BMP10: variants seen among roughly 807,000 people sequenced by gnomAD.
BMP10 encodes bone morphogenetic protein 10.
Under a neutral mutation model 29.9 loss-of-function variants are expected in BMP10, and 9 were observed. The ratio of observed to expected loss-of-function variants is 0.30; its 90% CI spans 0.18 to 0.53. BMP10 has a LOEUF of 0.53. Ranked by LOEUF, BMP10 falls within the 20% of genes least tolerant of loss-of-function variation. The pLI is 0.96. For missense variants in BMP10, 474 were observed against 524.3 expected, an observed-to-expected ratio of 0.90 and a Z score of 0.94; for synonymous variants, 202 against 200.2, an observed-to-expected ratio of 1.01 and a Z score of -0.07.
At position 68,871,138 on chromosome 2, in the gene BMP10, T is replaced by C. The variant is rs759552301; in HGVS notation, c.221A>G (p.Gln74Arg). The change falls in exon 1 of 2, where the codon CAG becomes CGG. Residue 74 changes from glutamine (Q) to arginine (R), a missense_variant. Gln to Arg is a conservative substitution (Grantham distance 43). Coordinates refer to ENST00000295379, the MANE Select transcript of BMP10 (RefSeq NM_014482.3). ...TGGTGGGTCCACCTTGGCTGAATCC[T>C]GCGTGGGGATGTCAGAGAGGTTTAG... ...KTLNLSDIPTQDSAKVDPPEY... is the reference protein window; with the variant it reads ...KTLNLSDIPTRDSAKVDPPEY... 1.8e-5 allele frequency: 29 copies of C among 1,614,076 alleles called. No homozygotes were observed. The highest frequency in any genetic ancestry group is 8.9e-5 in the East Asian group (4 of 44,894).
Position 68,863,400 on chromosome 2 carries a change from G to C in BMP10, c.*2231C>G, listed in dbSNP as rs959918686. On this transcript the variant is annotated 3_prime_UTR_variant, in exon 2 of 2. Transcript: ENST00000295379. ...TATCCTGGTCAGCTGAGGTTTTACT[G>C]TGTATGTATTACAGTGTCCTTTAGA... is the stretch of plus-strand genomic sequence containing the variant. 6.6e-6 allele frequency among the ~76,000 whole-genome samples: 1 copy of C among 152,148 alleles called. No individual in the cohort carries two copies. The highest frequency in any genetic ancestry group is 6.5e-5 in the Admixed American group (1 of 15,274).
intron 1 of BMP10, among the ~76,000 whole-genome samples, chr2:68,867,088 G>A (rs1376261897): frequency 6.6e-6 from 1 of 152,164 alleles, no homozygotes; most frequent in Non-Finnish European, 1.5e-5. Flanking sequence ...TAGATCAGAG[G>A]TTGGTAAACT....
Position 68,862,604 on chromosome 2 carries a change from G to T in BMP10, c.*3027C>A, listed in dbSNP as rs1489127395. Among the ~76,000 whole-genome samples the T allele has an allele frequency of 6.6e-6, 1 of 152,048 alleles. No homozygotes were observed. The highest frequency in any genetic ancestry group is 1.5e-5 in the Non-Finnish European group (1 of 68,004). ...TGATGATAATTCTGCAATAAAAGGGGGAAAAAAACTGGCATGGGACCCAGA... is the reference window on the plus strand; with the variant it reads ...TGATGATAATTCTGCAATAAAAGGGTGAAAAAAACTGGCATGGGACCCAGA... On this transcript the variant is annotated 3_prime_UTR_variant, in exon 2 of 2. Transcript: ENST00000295379.
In BMP10 at chr2:68,865,343, A is replaced by AT; in HGVS notation, c.*287_*288insA. 1 of 409,820 alleles carries AT rather than the reference A, an allele frequency of 2.4e-6. No individual in the cohort carries two copies. Among genetic ancestry groups the AT allele is most frequent in the South Asian group, 4.2e-5 (1 of 23,750 alleles). The allele number at this position is 409,820 out of a possible 1,614,324, so 25.4% of individuals were successfully genotyped here. Reference sequence around the variant, plus strand: ...GATTTTTGTAAGTTCATGTATGTACAAATATACATACACAAGTGTGTGTCT... The same window carrying AT: ...GATTTTTGTAAGTTCATGTATGTACATAATATACATACACAAGTGTGTGTCT... On this transcript the variant is annotated 3_prime_UTR_variant, in exon 2 of 2. Coordinates refer to ENST00000295379, the MANE Select transcript of BMP10 (RefSeq NM_014482.3). This position sits in a 1 kb window ranked among gnomAD's most constrained non-coding sequence, Gnocchi z 4.7.
intron 1 of BMP10, among the ~76,000 whole-genome samples, chr2:68,867,018 T>C (rs148164516): frequency 6.6e-6 from 1 of 152,196 alleles, no homozygotes; most frequent in Non-Finnish European, 1.5e-5. Context: ...TTTGTGTTTG[T>C]AGTGGGTGGA....
intron 1 of BMP10, among the ~76,000 whole-genome samples, chr2:68,870,714 T>C (rs1209756734): frequency 2.0e-5 from 3 of 152,246 alleles, no homozygotes. Flanking sequence ...GGTACGGCAG[T>C]AGACCAACAT....
chr2:68,869,224 G>T (rs917137151), intron 1 of BMP10, among the ~76,000 whole-genome samples: 1 of 42,444 alleles, frequency 2.4e-5, no homozygotes, highest in African/African-American at 1.0e-4. Context: ...AAATGACAAG[G>T]TGATAAAGGA....
rs568807122 is a variant in BMP10 at position 68,863,584 on chromosome 2, A to C, written c.*2047T>G. ...TCATGTTATATGGAGGCTGTTCCAC[A>C]AATAGTGATTCTGAGTTGCATGGCT... On this transcript the variant is annotated 3_prime_UTR_variant, in exon 2 of 2. Coordinates refer to ENST00000295379, the MANE Select transcript of BMP10 (RefSeq NM_014482.3). Among the ~76,000 whole-genome samples the C allele has an allele frequency of 2.6e-5, 4 of 152,268 alleles. No individual in the cohort carries two copies. Among genetic ancestry groups the C allele is most frequent in the African/African-American group, 4.8e-5 (2 of 41,550 alleles).
chr2:68,867,338 A>G (rs1682980371), intron 1 of BMP10, among the ~76,000 whole-genome samples: 1 of 152,226 alleles, frequency 6.6e-6, no homozygotes, highest in Non-Finnish European at 1.5e-5. Flanking sequence ...GACAAGGCCA[A>G]TAAGACAGCC....
In BMP10 at chr2:68,865,298, C is replaced by T. The variant is rs894693840; in HGVS notation, c.*333G>A. 6.6e-6 allele frequency among the ~76,000 whole-genome samples: 1 copy of T among 152,132 alleles called. No homozygotes were observed. The highest frequency in any genetic ancestry group is 6.5e-5 in the Admixed American group (1 of 15,276). ...AGTCATGCATGTAGATGAGTATAAC[C>T]TGCCTGCATAGAACCAAAAGATTTT... On this transcript the variant is annotated 3_prime_UTR_variant, in exon 2 of 2. Coordinates refer to ENST00000295379, the MANE Select transcript of BMP10 (RefSeq NM_014482.3). The surrounding 1 kb of genome is among the most constrained non-coding windows in gnomAD (Gnocchi z 4.7).
chr2:68,867,313 T>C (rs1398393595), intron 1 of BMP10, among the ~76,000 whole-genome samples: 1 of 152,214 alleles, frequency 6.6e-6, no homozygotes, highest in Non-Finnish European at 1.5e-5. Context: ...ACTTCTGTTC[T>C]AGGCAACAAA....
chr2:68,867,932 A>G (rs1053038417), intron 1 of BMP10, among the ~76,000 whole-genome samples: 2 of 152,214 alleles, frequency 1.3e-5, no homozygotes, highest in African/African-American at 4.8e-5. Context: ...AATCCATACT[A>G]AGAAAAATAT....
Position 68,865,731 on chromosome 2 carries a change from G to A in BMP10, c.1175C>T (p.Thr392Ile). The change falls in exon 2 of 2, where the codon ACA becomes ATA. Residue 392 changes from threonine (T) to isoleucine (I), a missense_variant. By Grantham distance (89) the Thr-to-Ile change is moderately conservative. This residue lies in a region of BMP10 where 66 missense variants were observed against 109.0 expected (regional missense o/e 0.61). Coordinates refer to ENST00000295379, the MANE Select transcript of BMP10 (RefSeq NM_014482.3). This position sits in a 1 kb window ranked among gnomAD's most constrained non-coding sequence, Gnocchi z 4.7. ...GAGGATGGAGATGGGCTCTAGCTTT[G>A]TGGGCACACAGCAGGCTTTGGAAGC... ...QKASKACCVP[T>I]KLEPISILYL... 6.2e-7 allele frequency: 1 copy of A among 1,614,150 alleles called. No individual in the cohort carries two copies. The highest frequency in any genetic ancestry group is 1.3e-5 in the African/African-American group (1 of 75,050).
At chr2:68,869,583 A>T (rs1683032747) in intron 1 of BMP10, among the ~76,000 whole-genome samples, 3 of 152,184 alleles carry the variant, frequency 2.0e-5, no homozygotes, top group South Asian at 4.1e-4. Context: ...TTTCCAGGGG[A>T]TGCAAACAAC....
chr2:68,865,856 A>G lies in BMP10; in HGVS notation c.1050T>C (p.Tyr350=), dbSNP rs780029175. 1.2e-6 allele frequency: 2 copies of G among 1,614,100 alleles called. No homozygotes were observed. The highest frequency in any genetic ancestry group is 1.7e-6 in the Non-Finnish European group (2 of 1,179,994). ...GGTAGTTACAAACACCACGGCATTC[A>G]TAGGCTTCGTATCCAGGCGGAGCGA... is the stretch of plus-strand genomic sequence containing the variant. ...WIIAPPGYEA[Y]ECRGVCNYPL... Residue 350 remains tyrosine, a synonymous_variant, in exon 2 of 2, where the codon TAT becomes TAC. Transcript: ENST00000295379. This position sits in a 1 kb window ranked among gnomAD's most constrained non-coding sequence, Gnocchi z 4.7.
Position 68,863,877 on chromosome 2 carries a change from A to G in BMP10, c.*1754T>C, listed in dbSNP as rs532940690. Among the ~76,000 whole-genome samples, 9 of 152,288 alleles carry G rather than the reference A, an allele frequency of 5.9e-5. No homozygotes were observed. Among genetic ancestry groups the G allele is most frequent in the African/African-American group, 2.2e-4 (9 of 41,556 alleles). On this transcript the variant is annotated 3_prime_UTR_variant, in exon 2 of 2. Coordinates refer to ENST00000295379, the MANE Select transcript of BMP10 (RefSeq NM_014482.3). ...ACTTCTTAAGGAAGCATTCCTTAAGATGAGTAGGGGTGAATGGGGGATGAC... is the reference window on the plus strand; with the variant it reads ...ACTTCTTAAGGAAGCATTCCTTAAGGTGAGTAGGGGTGAATGGGGGATGAC...
chr2:68,865,598 T>C lies in BMP10; in HGVS notation c.*33A>G, dbSNP rs759194261. The stretch of plus-strand genomic sequence containing the variant: ...AATAGGAACACCAAATATACACATT[T>C]ACAGTTATTAAATAAGCCATAGGAC... On this transcript the variant is annotated 3_prime_UTR_variant, in exon 2 of 2. Coordinates refer to ENST00000295379, the MANE Select transcript of BMP10 (RefSeq NM_014482.3). This position sits in a 1 kb window ranked among gnomAD's most constrained non-coding sequence, Gnocchi z 4.7. 6.4e-7 allele frequency: 1 copy of C among 1,571,336 alleles called. No homozygotes were observed. The highest frequency in any genetic ancestry group is 1.4e-5 in the African/African-American group (1 of 73,552).
intron 1 of BMP10, among the ~76,000 whole-genome samples, chr2:68,869,991 C>T (rs1259268106): frequency 1.3e-5 from 2 of 152,182 alleles, no homozygotes; most frequent in Non-Finnish European, 2.9e-5. Context: ...GAAATTGAGG[C>T]TCTGAGGCAT....
At chr2:68,866,894 T>C (rs1024759258) in intron 1 of BMP10, among the ~76,000 whole-genome samples, 2 of 152,214 alleles carry the variant, frequency 1.3e-5, no homozygotes, top group Non-Finnish European at 2.9e-5. Flanking sequence ...CCTTGGAGAT[T>C]GTGTGGGCAA....
Sources: gnomAD v4.1 joint callset for allele counts (sites outside exome capture counted in the v4.1 genomes callset) on GRCh38, gnomAD v4.1.1 for gene constraint, gnomAD v4.1.1 regional missense constraint, Gnocchi (gnomAD v3.1) non-coding constraint, MANE v1.5 for transcripts, NCBI Gene and HGNC (gene_info 2026-07-23, HGNC 2026-07-21) for gene names.